The following PTPRE variants were observed in gnomAD, a reference collection of about 807,000 sequenced individuals.
PTPRE encodes the protein receptor-type tyrosine-protein phosphatase epsilon.
A neutral mutation model predicts 102.0 loss-of-function variants in PTPRE; 51 were observed. The observed-to-expected ratio is 0.50, with a 90% confidence interval of 0.40 to 0.63. The LOEUF (loss-of-function observed/expected upper bound fraction) is 0.63, where lower values mean the gene tolerates loss of function less well. Among genes scored for constraint, PTPRE ranks in the 30% least tolerant of loss-of-function variants. The pLI is 0.00. For missense variants in PTPRE, 752 were observed against 915.1 expected, an observed-to-expected ratio of 0.82 and a Z score of 2.30; for synonymous variants, 345 against 348.2, an observed-to-expected ratio of 0.99 and a Z score of 0.10.
intron 2 of PTPRE, among the ~76,000 whole-genome samples, chr10:128,019,882 C>T (rs765981476): frequency 9.2e-5 from 14 of 152,210 alleles, no homozygotes; most frequent in Non-Finnish European, 1.9e-4. Context: ...TTGGGGTGGA[C>T]GGCCTGGCTT....
At chr10:127,980,572 T>C (rs964384560) in intron 1 of PTPRE, among the ~76,000 whole-genome samples, 2 of 152,184 alleles carry the variant, frequency 1.3e-5, no homozygotes, top group African/African-American at 2.4e-5. Context: ...AAATCCTTGC[T>C]TTGTTCCCAG....
chr10:128,015,131 A>G, intron 2 of PTPRE, among the ~76,000 whole-genome samples: 1 of 152,228 alleles, frequency 6.6e-6, no homozygotes, highest in East Asian at 1.9e-4. Context: ...AAATACATGA[A>G]GAAATGTGTC....
At chr10:128,005,640 TC>T (rs1195329018) in intron 2 of PTPRE, among the ~76,000 whole-genome samples, 8 of 152,160 alleles carry the variant, frequency 5.3e-5, no homozygotes, top group Admixed American at 2.0e-4. Flanking sequence ...CCTCTGGGCG[TC>T]CCCGAGCAGG....
Position 128,079,645 on chromosome 10 carries a change from C to A in PTPRE, c.1978C>A (p.Gln660Lys). 6.2e-7 allele frequency: 1 copy of A among 1,614,034 alleles called. No individual in the cohort carries two copies. Among genetic ancestry groups the A allele is most frequent in the Non-Finnish European group, 8.5e-7 (1 of 1,179,882 alleles). The change falls in exon 20 of 21, where the codon CAA (glutamine) becomes AAA (lysine). Residue 660 changes from glutamine to lysine, a missense_variant. By Grantham distance (53) the Gln-to-Lys change is moderately conservative. Transcript: ENST00000254667. ...VKAEGLLDVF[Q>K]AVKSLRLQRP... is the part of the protein sequence containing the mutation. ...AGCCGAGGGACTTTTAGATGTATTTCAAGCTGTGAAGAGTTTACGACTTCA... is the reference window on the plus strand; with the variant it reads ...AGCCGAGGGACTTTTAGATGTATTTAAAGCTGTGAAGAGTTTACGACTTCA...
At chr10:127,947,204 CATTT>C (rs776058202) in intron 1 of PTPRE, among the ~76,000 whole-genome samples, 4 of 152,062 alleles carry the variant, frequency 2.6e-5, no homozygotes, top group Admixed American at 6.5e-5. Flanking sequence ...ACAGTGATCA[CATTT>C]ATTTAGTGAT....
chr10:128,043,591 T>G (rs557998324), intron 3 of PTPRE, among the ~76,000 whole-genome samples: 4 of 152,256 alleles, frequency 2.6e-5, no homozygotes, highest in Admixed American at 6.5e-5. Flanking sequence ...CACTTGGGGC[T>G]GCCATCTTGG....
intron 3 of PTPRE, among the ~76,000 whole-genome samples, chr10:128,042,162 C>T (rs761216001): frequency 2.6e-5 from 4 of 152,168 alleles, no homozygotes; most frequent in East Asian, 1.9e-4. Flanking sequence ...CCCACAATCC[C>T]GACTTTTCTT....
At chr10:127,999,998 G>A in intron 2 of PTPRE, 1 of 979,340 alleles carries the variant, frequency 1.0e-6, no homozygotes, top group Non-Finnish European at 1.2e-6. Context: ...GACGCGGAAA[G>A]GGATCCCCAG....
At chr10:127,989,263 T>A (rs1852398820) in intron 2 of PTPRE, among the ~76,000 whole-genome samples, 1 of 152,228 alleles carries the variant, frequency 6.6e-6, no homozygotes, top group Admixed American at 6.5e-5. Context: ...TGAATTTTTT[T>A]AAATCTCATG....
intron 1 of PTPRE, among the ~76,000 whole-genome samples, chr10:127,916,921 C>T (rs535553720): frequency 3.9e-5 from 6 of 152,100 alleles, no homozygotes; most frequent in Non-Finnish European, 7.4e-5. Context: ...CCCCTCCCCC[C>T]ATCCTGAGGC....
intron 2 of PTPRE, among the ~76,000 whole-genome samples, chr10:128,016,882 C>T (rs576061445): frequency 2.0e-5 from 3 of 152,346 alleles, no homozygotes; most frequent in South Asian, 2.1e-4. Flanking sequence ...GCTGTGGAGC[C>T]GGTGCCGCCC....
intron 2 of PTPRE, among the ~76,000 whole-genome samples, chr10:128,003,339 G>GA (rs951457290): frequency 3.2e-4 from 48 of 150,874 alleles, no homozygotes; most frequent in African/African-American, 9.0e-4. Context: ...ATTTCACTGG[G>GA]AAAAAAAAAT....
At position 128,077,655 on chromosome 10, in the gene PTPRE, C is replaced by T; in HGVS notation, c.1764C>T (p.Arg588=). ...AGGAGGAGCAGGTCCGAGTAGTGCGCCAGTTTCACTTCCACGGCTGGCCTG... is the reference window on the plus strand; with the variant it reads ...AGGAGGAGCAGGTCCGAGTAGTGCGTCAGTTTCACTTCCACGGCTGGCCTG... ...ARQEEQVRVV[R]QFHFHGWPEI... Residue 588 remains arginine (R), a synonymous_variant, in exon 19 of 21, where the codon CGC becomes CGT. Transcript: ENST00000254667. The T allele has an allele frequency of 6.2e-7, 1 of 1,613,506 alleles. No individual in the cohort carries two copies. Among genetic ancestry groups the T allele is most frequent in the Non-Finnish European group, 8.5e-7 (1 of 1,179,600 alleles).
intron 1 of PTPRE, among the ~76,000 whole-genome samples, 179 bp from the exon 2 acceptor site, chr10:127,982,095 A>G (rs1851677011): frequency 6.6e-6 from 1 of 152,180 alleles, no homozygotes; most frequent in Non-Finnish European, 1.5e-5. Flanking sequence ...GACATGGTTA[A>G]AAGCTGATGA....
chr10:127,965,770 C>T (rs1353038104), intron 1 of PTPRE, among the ~76,000 whole-genome samples: 1 of 152,206 alleles, frequency 6.6e-6, no homozygotes, highest in East Asian at 1.9e-4. Flanking sequence ...TCCTGCTGGA[C>T]AGCATCAGAG....
At chr10:128,077,981 G>A (rs1041359866) in intron 19 of PTPRE, among the ~76,000 whole-genome samples, 198 bp downstream of exon 19, 8 of 152,230 alleles carry the variant, frequency 5.3e-5, no homozygotes, top group African/African-American at 9.6e-5. Flanking sequence ...TACATAAGAT[G>A]CATGTGTGTC....
chr10:128,002,207 A>G (rs911954854), intron 2 of PTPRE, among the ~76,000 whole-genome samples: 1 of 152,284 alleles, frequency 6.6e-6, no homozygotes, highest in South Asian at 2.1e-4. Context: ...CAGCATGAGT[A>G]TGTGCATATT....
intron 1 of PTPRE, among the ~76,000 whole-genome samples, chr10:127,977,138 G>A (rs1851241080): frequency 6.6e-6 from 1 of 152,126 alleles, no homozygotes; most frequent in African/African-American, 2.4e-5. Flanking sequence ...TGCTACCCCA[G>A]TGCCCTAATT....
At chr10:127,917,084 G>T (rs1846260620) in intron 1 of PTPRE, among the ~76,000 whole-genome samples, 1 of 151,868 alleles carries the variant, frequency 6.6e-6, no homozygotes. Context: ...CAGCAGGTTG[G>T]ATTTATAGGC....
Sources: gnomAD v4.1 joint callset for allele counts (sites outside exome capture counted in the v4.1 genomes callset) on GRCh38, gnomAD v4.1.1 for gene constraint, MANE v1.5 for transcripts, NCBI Gene and HGNC (gene_info 2026-07-23, HGNC 2026-07-21) for gene names.